Variants in GNB1 observed in about 807,000 individuals in gnomAD.
GNB1 encodes guanine nucleotide-binding protein G(I)/G(S)/G(T) subunit beta-1.
Under a neutral mutation model 42.9 loss-of-function variants are expected in GNB1, and 2 were observed. The ratio of observed to expected loss-of-function variants is 0.05; its 90% CI spans 0.02 to 0.15. The LOEUF (loss-of-function observed/expected upper bound fraction) is 0.15, where lower values mean the gene tolerates loss of function less well. GNB1 is among the 10% of genes least tolerant of loss of function. GNB1 has a pLI of 1.00. For missense variants in GNB1, 193 were observed against 462.2 expected, an observed-to-expected ratio of 0.42 and a Z score of 5.34; for synonymous variants, 183 against 174.7, an observed-to-expected ratio of 1.05 and a Z score of -0.38.
At chr1:1,838,484 CCA>C (rs1647181189) in intron 2 of GNB1, among the ~76,000 whole-genome samples, 1 of 150,722 alleles carries the variant, frequency 6.6e-6, no homozygotes, top group Non-Finnish European at 1.5e-5. Flanking sequence ...TCGCTCTGTC[CCA>C]CAGGCTGGAG....
At position 1,837,087 on chromosome 1, in the gene GNB1, G is replaced by GT. The variant is rs566057606; in HGVS notation, c.-47+2102dup. 8.7e-4 allele frequency among the ~76,000 whole-genome samples: 132 copies of GT among 152,058 alleles called. 2 individuals are homozygous for GT. Among genetic ancestry groups the GT allele is most frequent in the Middle Eastern group, 6.8e-3 (2 of 294 alleles). The stretch of plus-strand genomic sequence containing the variant: ...GACTATGGTTTGTCTTTCGTTCTCT[G>GT]TTTTTTCTAAGGAGCAGAAGTTTTA... On this transcript the variant is annotated intron_variant, in intron 2 of 11. Coordinates refer to ENST00000378609, the MANE Select transcript of GNB1 (RefSeq NM_002074.5).
At chr1:1,873,657 T>C (rs1333618998) in intron 1 of GNB1, among the ~76,000 whole-genome samples, 1 of 152,126 alleles carries the variant, frequency 6.6e-6, no homozygotes, top group Admixed American at 6.5e-5. Context: ...ACACCTGCAA[T>C]CCCAGCACTT....
In GNB1 at chr1:1,787,387, C is replaced by T. The variant is rs1287087882; in HGVS notation, c.967G>A (p.Asp323Asn). ...GACCCTGTCGCCACAGCCATGCCAT[C>T]GTCAGTCACGCCCAGGCAGCTGACG... Reference protein sequence around the residue: ...NRVSCLGVTDDGMAVATGSWD... With the variant: ...NRVSCLGVTDNGMAVATGSWD... The change falls in exon 11 of 12, where the codon GAT becomes AAT. Residue 323 changes from aspartate (D) to asparagine (N), a missense_variant. This residue lies in a region of GNB1 where 150 missense variants were observed against 410.8 expected (regional missense o/e 0.37). Transcript: ENST00000378609. This position sits in a 1 kb window ranked among gnomAD's most constrained non-coding sequence, Gnocchi z 4.4. 3.7e-6 allele frequency: 6 copies of T among 1,613,752 alleles called. No homozygotes were observed. The highest frequency in any genetic ancestry group is 1.3e-5 in the African/African-American group (1 of 74,922).
chr1:1,836,214 G>T lies in GNB1; in HGVS notation c.-47+2976C>A, dbSNP rs184222967. Among the ~76,000 whole-genome samples the T allele has an allele frequency of 7.9e-5, 12 of 152,086 alleles. No individual in the cohort carries two copies. The East Asian group carries it at 2.3e-3, about 29-fold the overall frequency. ...GTCCCGGCTCCTCACGCCCAACAAC[G>T]CTGGGTGGGTGTCACAGCCATTCTA... is the stretch of plus-strand genomic sequence containing the variant. On this transcript the variant is annotated intron_variant, in intron 2 of 11. Coordinates refer to ENST00000378609, the MANE Select transcript of GNB1 (RefSeq NM_002074.5).
At chr1:1,877,268 C>A (rs1356480113) in intron 1 of GNB1, among the ~76,000 whole-genome samples, 2 of 148,774 alleles carry the variant, frequency 1.3e-5, no homozygotes, top group African/African-American at 2.5e-5. Context: ...CCTCTGCACT[C>A]CAGCCTGGGC....
At chr1:1,800,766 A>AG (rs1646614338) in intron 7 of GNB1, among the ~76,000 whole-genome samples, 1 of 151,884 alleles carries the variant, frequency 6.6e-6, no homozygotes, top group South Asian at 2.1e-4. Flanking sequence ...AAAAAAAAAA[A>AG]AAAAAGAAAA....
rs1387294923 is a variant in GNB1 at position 1,786,085 on chromosome 1, T to C, written c.*978A>G. 2.5e-6 allele frequency: 1 copy of C among 398,490 alleles called. No homozygotes were observed. Among genetic ancestry groups the C allele is most frequent in the Non-Finnish European group, 4.4e-6 (1 of 226,030 alleles). 24.7% of individuals were successfully genotyped at this position (398,490 alleles called of 1,614,324 possible). On this transcript the variant is annotated 3_prime_UTR_variant, in exon 12 of 12. Transcript: ENST00000378609. ...AATTTTTAAAATTTAACTTAGAAAG[T>C]CTGAGATCATTATTTTCAAAACATT...
intron 6 of GNB1, among the ~76,000 whole-genome samples, chr1:1,805,730 C>T (rs543716257): frequency 2.0e-5 from 3 of 151,906 alleles, no homozygotes; most frequent in South Asian, 2.1e-4. Flanking sequence ...TTAGTAGAGA[C>T]GAGGTTTCAC....
At chr1:1,845,581 T>A (rs899396173) in intron 1 of GNB1, among the ~76,000 whole-genome samples, 7 of 151,666 alleles carry the variant, frequency 4.6e-5, no homozygotes, top group South Asian at 2.1e-4. Context: ...TCAAAAAAAA[T>A]AATAATAAAA....
At chr1:1,884,650 G>C (rs1650045949) in intron 1 of GNB1, among the ~76,000 whole-genome samples, 1 of 152,056 alleles carries the variant, frequency 6.6e-6, no homozygotes, top group South Asian at 2.1e-4. Context: ...CAGTAAACAA[G>C]AATACATTCC....
intron 1 of GNB1, among the ~76,000 whole-genome samples, chr1:1,844,818 A>C (rs1056128515): frequency 2.0e-5 from 3 of 152,206 alleles, no homozygotes; most frequent in African/African-American, 2.4e-5. Context: ...GCCTTGCCGT[A>C]AGTGTGGTGC....
At chr1:1,873,090 C>T (rs756834502) in intron 1 of GNB1, among the ~76,000 whole-genome samples, 11 of 151,546 alleles carry the variant, frequency 7.3e-5, no homozygotes, top group Non-Finnish European at 1.0e-4. Flanking sequence ...GGTAGAGATG[C>T]GGTCTCACTA....
intron 1 of GNB1, among the ~76,000 whole-genome samples, chr1:1,882,194 A>C (rs190003302): frequency 6.6e-5 from 10 of 152,288 alleles, no homozygotes; most frequent in Admixed American, 6.5e-4. Flanking sequence ...CACGCCTGTA[A>C]TCCTAACACT....
chr1:1,836,856 CTTT>C lies in GNB1; in HGVS notation c.-47+2331_-47+2333del, dbSNP rs35131919. Among the ~76,000 whole-genome samples, 753 of 120,150 alleles carry C rather than the reference CTTT, an allele frequency of 6.3e-3. 10 individuals carry two copies. The highest frequency in any genetic ancestry group is 0.022 in the African/African-American group (704 of 31,740). The allele number at this position is 120,150 out of a possible 152,430, so 78.8% of individuals were successfully genotyped here. A position where few individuals can be genotyped will look rare whatever the true frequency, so the allele number is the denominator to read the frequency against. ...GTGAGCCACCGTGCCCGACTGCTAACTTTTTTTTTTTTTTTTTTTTGAAGAGAC... is the reference window on the plus strand; with the variant it reads ...GTGAGCCACCGTGCCCGACTGCTAACTTTTTTTTTTTTTTTTTGAAGAGAC... On this transcript the variant is annotated intron_variant, in intron 2 of 11. Coordinates refer to ENST00000378609, the MANE Select transcript of GNB1 (RefSeq NM_002074.5).
chr1:1,889,276 G>A (rs1344808848), intron 1 of GNB1, among the ~76,000 whole-genome samples: 1 of 152,070 alleles, frequency 6.6e-6, no homozygotes, highest in African/African-American at 2.4e-5. Context: ...AATCTCACCA[G>A]CAACTGCTTA....
Position 1,785,792 on chromosome 1 carries a change from T to G in GNB1, c.*1271A>C. 5.3e-6 allele frequency: 2 copies of G among 376,286 alleles called. No homozygotes were observed. The highest frequency in any genetic ancestry group is 9.4e-6 in the Non-Finnish European group (2 of 212,814). 23.3% of individuals were successfully genotyped at this position (376,286 alleles called of 1,614,324 possible). On this transcript the variant is annotated 3_prime_UTR_variant, in exon 12 of 12. Coordinates refer to ENST00000378609, the MANE Select transcript of GNB1 (RefSeq NM_002074.5). ...ACCCTCAGAATCCAACAGCAGTCGTTTGCAACAGAACTTTTTTTTTTTTAA... is the reference window on the plus strand; with the variant it reads ...ACCCTCAGAATCCAACAGCAGTCGTGTGCAACAGAACTTTTTTTTTTTTAA...
chr1:1,849,941 G>A (rs1647890623), intron 1 of GNB1, among the ~76,000 whole-genome samples: 1 of 151,932 alleles, frequency 6.6e-6, no homozygotes, highest in Non-Finnish European at 1.5e-5. Flanking sequence ...CTGTATATTT[G>A]ACAGTTTGCT....
chr1:1,889,076 C>A (rs1276703461), intron 1 of GNB1, among the ~76,000 whole-genome samples: 1 of 152,170 alleles, frequency 6.6e-6, no homozygotes, highest in Non-Finnish European at 1.5e-5. Flanking sequence ...ACCTTACTTT[C>A]AATAAAGAGC....
rs1379187473 is a variant in GNB1 at position 1,790,072 on chromosome 1, T to C, written c.699+323A>G. On this transcript the variant is annotated intron_variant, in intron 9 of 11. Coordinates refer to ENST00000378609, the MANE Select transcript of GNB1 (RefSeq NM_002074.5). This position sits in a 1 kb window ranked among gnomAD's most constrained non-coding sequence, Gnocchi z 5.4. Reference sequence around the variant, plus strand: ...TAAAGAGGAGGGCAGGTTCCCTGGTTAGCTGTGCCCCTGACCAGTAAGGCT... The same window carrying C: ...TAAAGAGGAGGGCAGGTTCCCTGGTCAGCTGTGCCCCTGACCAGTAAGGCT... Among the ~76,000 whole-genome samples, 1 of 152,186 alleles carries C rather than the reference T, an allele frequency of 6.6e-6. No individual in the cohort carries two copies. The highest frequency in any genetic ancestry group is 1.9e-4 in the East Asian group (1 of 5,200).
Sources: gnomAD v4.1 joint callset for allele counts (sites outside exome capture counted in the v4.1 genomes callset) on GRCh38, gnomAD v4.1.1 for gene constraint, gnomAD v4.1.1 regional missense constraint, Gnocchi (gnomAD v3.1) non-coding constraint, MANE v1.5 for transcripts, NCBI Gene and HGNC (gene_info 2026-07-23, HGNC 2026-07-21) for gene names.